CDKN2C: variants seen among roughly 807,000 people sequenced by gnomAD.
CDKN2C encodes the protein cyclin-dependent kinase 4 inhibitor C.
CDKN2C carries 5 observed loss-of-function variants against 11.0 expected under a neutral mutation model. The ratio of observed to expected loss-of-function variants is 0.45; its 90% CI spans 0.24 to 0.95. The LOEUF (loss-of-function observed/expected upper bound fraction) is 0.95. CDKN2C is among the 40% of genes least tolerant of loss of function. The pLI, the probability that CDKN2C is intolerant of heterozygous loss-of-function variation, is 0.21. For synonymous variants in CDKN2C, 79 were observed against 88.3 expected (o/e 0.89, Z 0.59); for missense variants, 161 against 211.9 (o/e 0.76, Z 1.49).
At chr1:50,964,091 AAT>A (rs1645336700) in intron 1 of CDKN2C, among the ~76,000 whole-genome samples, 1 of 152,146 alleles carries the variant, frequency 6.6e-6, no homozygotes, top group African/African-American at 2.4e-5. Context: ...ATTTTTCTCT[AAT>A]GTTACCATCT....
intron 1 of CDKN2C, among the ~76,000 whole-genome samples, chr1:50,964,226 A>T (rs1645337106): frequency 6.6e-6 from 1 of 152,158 alleles, no homozygotes; most frequent in Non-Finnish European, 1.5e-5. Context: ...TGGTCCAATA[A>T]TACCACATTA....
upstream of CDKN2C, among the ~76,000 whole-genome samples, chr1:50,965,519 G>T (rs1328861709): frequency 6.6e-6 from 1 of 151,688 alleles, no homozygotes; most frequent in Admixed American, 6.6e-5. Context: ...CTTTCAGCCT[G>T]GCCAATATAG....
At chr1:50,963,143 T>C (rs1355782853) in intron 1 of CDKN2C, among the ~76,000 whole-genome samples, 5 of 152,222 alleles carry the variant, frequency 3.3e-5, no homozygotes, top group African/African-American at 1.2e-4. Context: ...GTAAGGATCT[T>C]TCTCCTTTCT....
intron 1 of CDKN2C, among the ~76,000 whole-genome samples, chr1:50,962,240 T>A (rs938505891): frequency 6.6e-6 from 1 of 152,140 alleles, no homozygotes; most frequent in Non-Finnish European, 1.5e-5. Flanking sequence ...AAAAATTAGC[T>A]GGGCATGGTG....
intron 1 of CDKN2C, among the ~76,000 whole-genome samples, chr1:50,971,622 C>G (rs554294014): frequency 6.6e-6 from 1 of 152,104 alleles, no homozygotes; most frequent in African/African-American, 2.4e-5. Flanking sequence ...TAGTTTTGAA[C>G]AGGTTTAGTG....
intron 1 of CDKN2C, among the ~76,000 whole-genome samples, chr1:50,970,742 A>T (rs1275619388): frequency 6.6e-6 from 1 of 152,076 alleles, no homozygotes; most frequent in Non-Finnish European, 1.5e-5. Context: ...TAGTTTTTGG[A>T]ATGTTTTTGT....
rs2147956448 is a variant in CDKN2C at position 50,970,398 on chromosome 1, G to A, written c.30G>A (p.Ala10=). 1 of 1,614,116 alleles carries A rather than the reference G, an allele frequency of 6.2e-7. No homozygotes were observed. The highest frequency in any genetic ancestry group is 1.1e-5 in the South Asian group (1 of 91,070). The change falls in exon 1 of 2, where the codon GCG becomes GCA. Residue 10 remains alanine (A), a synonymous_variant. Coordinates refer to ENST00000371761, the MANE Select transcript of CDKN2C (RefSeq NM_078626.3). ...CCGAGCCTTGGGGGAACGAGTTGGC[G>A]TCCGCAGCTGCCAGGGGGGACCTAG... The part of the protein sequence containing the change: MAEPWGNEL[A]SAAARGDLEQ...
intron 1 of CDKN2C, among the ~76,000 whole-genome samples, chr1:50,964,010 A>G (rs940799976): frequency 1.3e-5 from 2 of 151,744 alleles, no homozygotes; most frequent in South Asian, 2.1e-4. Context: ...ATATTTTACT[A>G]AATTTTTATT....
upstream of CDKN2C, chr1:50,970,122 C>G (rs978544072): frequency 1.8e-6 from 1 of 552,250 alleles, no homozygotes; most frequent in African/African-American, 1.9e-5. Flanking sequence ...AGGGGTTAAG[C>G]TAAAAAAGCG....
intron 1 of CDKN2C, among the ~76,000 whole-genome samples, chr1:50,965,100 A>AGATG (rs10678174): frequency 4.6e-5 from 7 of 152,184 alleles, no homozygotes; most frequent in Admixed American, 3.3e-4. Flanking sequence ...ATAGATAGAT[A>AGATG]TGCATCATAT....
At chr1:50,970,102 A>C (rs1645371441), upstream of CDKN2C, 1 of 526,346 alleles carries the variant, frequency 1.9e-6, no homozygotes, top group Non-Finnish European at 3.4e-6. Flanking sequence ...GAGTCGTCAG[A>C]ATTCTTCATA....
chr1:50,969,967 G>A, upstream of CDKN2C: 1 of 294,142 alleles, frequency 3.4e-6, no homozygotes, highest in African/African-American at 2.1e-5. This position sits in a 1 kb window ranked among gnomAD's most constrained non-coding sequence, Gnocchi z 6.6. Flanking sequence ...CCGATCTATA[G>A]TCCCTTGAGT....
chr1:50,971,320 ATATTCT>A (rs1645378886), intron 1 of CDKN2C, among the ~76,000 whole-genome samples: 2 of 152,234 alleles, frequency 1.3e-5, no homozygotes, highest in African/African-American at 4.8e-5. Context: ...AGTTCTGATG[ATATTCT>A]TATGAGCTAT....
In CDKN2C at chr1:50,973,977, G is replaced by A. The variant is rs771853517; in HGVS notation, c.214G>A (p.Ala72Thr). ...NPDLKDRTGF[A>T]VIHDAARAGF... ...CGATTTGAAAGACCGAACTGGTTTC[G>A]CTGTCATTCATGATGCGGCCAGAGC... The change falls in exon 2 of 2, where the codon GCT becomes ACT. Residue 72 changes from alanine to threonine, a missense_variant. By Grantham distance (58) the Ala-to-Thr change is moderately conservative (BLOSUM62 0). Transcript: ENST00000371761. 5 of 1,614,054 alleles carry A rather than the reference G, an allele frequency of 3.1e-6. No homozygotes were observed. In the East Asian group the frequency reaches 6.7e-5, roughly 22 times the overall value.
chr1:50,964,738 C>A (rs1645339323), intron 1 of CDKN2C, among the ~76,000 whole-genome samples: 1 of 152,236 alleles, frequency 6.6e-6, no homozygotes, highest in Non-Finnish European at 1.5e-5. Flanking sequence ...ATCACAGTCA[C>A]TTCACAGAAT....
intron 1 of CDKN2C, among the ~76,000 whole-genome samples, chr1:50,971,989 G>C (rs1342601293): frequency 6.6e-6 from 1 of 152,032 alleles, no homozygotes; most frequent in Non-Finnish European, 1.5e-5. Flanking sequence ...CATAAGTCAA[G>C]AAATAACTTT....
chr1:50,970,226 T>C, upstream of CDKN2C: 1 of 982,558 alleles, frequency 1.0e-6, no homozygotes. Flanking sequence ...TACTAGTATT[T>C]ACTACCAAGC....
intron 1 of CDKN2C, among the ~76,000 whole-genome samples, chr1:50,973,124 T>C (rs185410538): frequency 1.3e-5 from 2 of 152,300 alleles, no homozygotes; most frequent in East Asian, 1.9e-4. Context: ...TAAATTGATA[T>C]CATAAGCAAT....
chr1:50,961,115 G>A (rs950969444), intron 1 of CDKN2C, among the ~76,000 whole-genome samples: 3 of 151,866 alleles, frequency 2.0e-5, no homozygotes, highest in Non-Finnish European at 4.4e-5. Flanking sequence ...GGCTCGCTGC[G>A]ACCTCCGCTT....
Sources: allele counts gnomAD v4.1 joint callset (sites outside exome capture counted in the v4.1 genomes callset), GRCh38; gene constraint gnomAD v4.1.1; non-coding constraint Gnocchi (gnomAD v3.1); transcripts MANE v1.5; gene names NCBI Gene and HGNC (gene_info 2026-07-23, HGNC 2026-07-21).